Variants in ZNF438 observed in about 807,000 individuals in gnomAD.
ZNF438 encodes zinc finger protein 438.
ZNF438 carries 25 observed loss-of-function variants against 38.0 expected under a neutral mutation model. The observed-to-expected ratio is 0.66, with a 90% confidence interval of 0.48 to 0.92. ZNF438 has a LOEUF of 0.92. Among genes scored for constraint, ZNF438 ranks in the 40% least tolerant of loss-of-function variants. ZNF438 has a pLI of 0.00. For synonymous variants in ZNF438, 372 were observed against 364.1 expected, an observed-to-expected ratio of 1.02 and a Z score of -0.25; for missense variants, 1,007 against 999.6, an observed-to-expected ratio of 1.01 and a Z score of -0.10.
chr10:30,992,656 G>A (rs1240135304), intron 1 of ZNF438, among the ~76,000 whole-genome samples: 2 of 152,174 alleles, frequency 1.3e-5, no homozygotes, highest in Admixed American at 6.5e-5. Context: ...CAGGTGATCT[G>A]CCTGCCTTGG....
chr10:30,880,438 A>AG (rs1216393789), intron 3 of ZNF438, among the ~76,000 whole-genome samples: 1 of 151,444 alleles, frequency 6.6e-6, no homozygotes, highest in East Asian at 1.9e-4. Flanking sequence ...TCTAAAAAAA[A>AG]AAAAAAAAAG....
chr10:30,954,724 G>A (rs2048674849), intron 1 of ZNF438, among the ~76,000 whole-genome samples: 1 of 152,148 alleles, frequency 6.6e-6, no homozygotes, highest in Admixed American at 6.5e-5. Flanking sequence ...GATTAATGGA[G>A]CGGGCTACAA....
At chr10:30,845,873 T>TCA (rs2031922951) in intron 5 of ZNF438, among the ~76,000 whole-genome samples, 1 of 152,168 alleles carries the variant, frequency 6.6e-6, no homozygotes, top group South Asian at 2.1e-4. Context: ...ACAGGAGCAA[T>TCA]CACGTGGAAG....
chr10:30,900,830 C>T (rs2041890381), intron 3 of ZNF438, among the ~76,000 whole-genome samples: 1 of 152,140 alleles, frequency 6.6e-6, no homozygotes, highest in African/African-American at 2.4e-5. Flanking sequence ...GCCTATACTG[C>T]AGTAAGAAAA....
chr10:30,941,117 G>A (rs1474096721), intron 2 of ZNF438, among the ~76,000 whole-genome samples: 1 of 148,960 alleles, frequency 6.7e-6, no homozygotes, highest in African/African-American at 2.4e-5. Flanking sequence ...TGTTGCCCAG[G>A]CTGGACTGCA....
intron 1 of ZNF438, among the ~76,000 whole-genome samples, chr10:30,967,504 A>G (rs113857149): frequency 1.8e-4 from 27 of 152,380 alleles, no homozygotes; most frequent in African/African-American, 6.3e-4. Flanking sequence ...AGAAGAAAAG[A>G]TGTAATCTTT....
In ZNF438 at chr10:30,960,596, C is replaced by T. The variant is rs369023871; in HGVS notation, c.-191-18945G>A. On this transcript the variant is annotated intron_variant, in intron 1 of 5. Transcript: ENST00000413025. Reference sequence around the variant, plus strand: ...ATGTAAATGTTTATTTCTGGACTCTCAATTCCTCTCCATTGATTTATATGC... The same window carrying T: ...ATGTAAATGTTTATTTCTGGACTCTTAATTCCTCTCCATTGATTTATATGC... Among the ~76,000 whole-genome samples, 257 of 147,058 alleles carry T rather than the reference C, an allele frequency of 1.7e-3. 16 individuals carry two copies. Among genetic ancestry groups the T allele is most frequent in the Middle Eastern group, 0.011 (3 of 266 alleles).
At chr10:30,880,429 C>CT (rs1368741478) in intron 3 of ZNF438, among the ~76,000 whole-genome samples, 3 of 56,736 alleles carry the variant, frequency 5.3e-5, no homozygotes, top group African/African-American at 1.1e-4. Context: ...AAAATTCTAT[C>CT]TAAAAAAAAA....
chr10:30,915,954 A>C (rs1204895020), intron 2 of ZNF438, among the ~76,000 whole-genome samples: 1 of 152,052 alleles, frequency 6.6e-6, no homozygotes, highest in Non-Finnish European at 1.5e-5. Flanking sequence ...CAAAGGCCAA[A>C]AAAATTACTT....
chr10:30,970,159 CAT>C (rs1213665012), intron 1 of ZNF438, among the ~76,000 whole-genome samples: 1 of 151,452 alleles, frequency 6.6e-6, no homozygotes, highest in Non-Finnish European at 1.5e-5. Flanking sequence ...CACACACACA[CAT>C]ATATTAGGCC....
At chr10:30,914,086 G>T (rs976381280) in intron 2 of ZNF438, among the ~76,000 whole-genome samples, 5 of 151,970 alleles carry the variant, frequency 3.3e-5, no homozygotes, top group Non-Finnish European at 5.9e-5. Flanking sequence ...GATTTTAATG[G>T]AATACCACTT....
chr10:30,949,521 A>C (rs1336131433), intron 1 of ZNF438, among the ~76,000 whole-genome samples: 1 of 152,252 alleles, frequency 6.6e-6, no homozygotes, highest in East Asian at 1.9e-4. Context: ...ATGTGCAGAG[A>C]CACATATAGG....
intron 4 of ZNF438, chr10:30,857,548 T>G: frequency 1.5e-6 from 1 of 687,960 alleles, no homozygotes; most frequent in Non-Finnish European, 2.3e-6. Flanking sequence ...AGCCACCCCA[T>G]CTGGCCTAAA....
intron 2 of ZNF438, among the ~76,000 whole-genome samples, chr10:30,931,316 C>T (rs747001810): frequency 6.6e-6 from 1 of 152,154 alleles, no homozygotes; most frequent in Non-Finnish European, 1.5e-5. Flanking sequence ...TGGCTGAAAC[C>T]ATGCCTGAAG....
At chr10:30,932,459 T>TATA (rs2045800724) in intron 2 of ZNF438, among the ~76,000 whole-genome samples, 1 of 152,158 alleles carries the variant, frequency 6.6e-6, no homozygotes, top group South Asian at 2.1e-4. Flanking sequence ...TTTATATATG[T>TATA]TAACTTATTT....
At chr10:30,950,432 A>G (rs2048027669) in intron 1 of ZNF438, among the ~76,000 whole-genome samples, 2 of 146,476 alleles carry the variant, frequency 1.4e-5, no homozygotes, top group South Asian at 2.2e-4. Context: ...GACACAAAAA[A>G]CCCTTCAAAA....
At chr10:30,866,113 A>G (rs1211211915) in intron 4 of ZNF438, among the ~76,000 whole-genome samples, 1 of 152,206 alleles carries the variant, frequency 6.6e-6, no homozygotes, top group African/African-American at 2.4e-5. Flanking sequence ...AAGCAGTACA[A>G]AATTTTAGTT....
intron 1 of ZNF438, among the ~76,000 whole-genome samples, chr10:30,972,305 G>A (rs1020181946): frequency 3.9e-5 from 6 of 152,236 alleles, no homozygotes; most frequent in Middle Eastern, 3.4e-3. Flanking sequence ...TTACCTATTT[G>A]AAATCATTAT....
intron 2 of ZNF438, among the ~76,000 whole-genome samples, chr10:30,924,944 T>C (rs1231414500): frequency 6.6e-6 from 1 of 152,226 alleles, no homozygotes; most frequent in Non-Finnish European, 1.5e-5. Context: ...CTATGTAGGA[T>C]GTTAATTATT....
Sources: gnomAD v4.1 joint callset for allele counts (sites outside exome capture counted in the v4.1 genomes callset) on GRCh38, gnomAD v4.1.1 for gene constraint, MANE v1.5 for transcripts, NCBI Gene and HGNC (gene_info 2026-07-23, HGNC 2026-07-21) for gene names.